The following CFAP299 variants were observed in gnomAD, a reference collection of about 807,000 sequenced individuals.
CFAP299 encodes cilia and flagella associated protein 299.
CFAP299 carries 21 observed loss-of-function variants against 27.0 expected under a neutral mutation model. The ratio of observed to expected loss-of-function variants is 0.78; its 90% CI spans 0.55 to 1.12. CFAP299 has a LOEUF of 1.12. Among genes scored for constraint, CFAP299 ranks in the 50% most tolerant of loss-of-function variants. The pLI is 0.00. For synonymous variants in CFAP299, 104 were observed against 98.1 expected (o/e 1.06, Z -0.36); for missense variants, 310 against 276.6 (o/e 1.12, Z -0.86).
At position 80,710,290 on chromosome 4, in the gene CFAP299, C is replaced by T. The variant is rs979969147; in HGVS notation, c.333+127107C>T. On this transcript the variant is annotated intron_variant, in intron 3 of 5. Coordinates refer to ENST00000358105, the MANE Select transcript of CFAP299 (RefSeq NM_152770.3). The stretch of plus-strand genomic sequence containing the variant: ...GTCCAAGGAAAGCAACATGCAGAAA[C>T]CAGAAAAGGAAATTAGATTTCTTCC... Among the ~76,000 whole-genome samples, 6 of 152,030 alleles carry T rather than the reference C, an allele frequency of 3.9e-5. No individual in the cohort carries two copies. In the South Asian group the frequency reaches 1.0e-3, roughly 26 times the overall value.
chr4:80,662,760 T>C (rs1740926469), intron 3 of CFAP299, among the ~76,000 whole-genome samples: 1 of 152,100 alleles, frequency 6.6e-6, no homozygotes, highest in Admixed American at 6.6e-5. Flanking sequence ...AAAGAATGGG[T>C]GTCCTGGAAT....
chr4:80,776,370 C>T (rs1326189101), intron 3 of CFAP299, among the ~76,000 whole-genome samples: 4 of 151,962 alleles, frequency 2.6e-5, no homozygotes, highest in South Asian at 2.1e-4. Context: ...CTTGGGGTCA[C>T]GAACTCCATA....
At chr4:80,582,974 T>G (rs1024230597) in intron 2 of CFAP299, 119 bp from the exon 3 acceptor site, 2 of 525,238 alleles carry the variant, frequency 3.8e-6, no homozygotes, top group Admixed American at 6.8e-5. Flanking sequence ...ATGATTTTAT[T>G]TATATGGTTT....
intron 1 of CFAP299, among the ~76,000 whole-genome samples, chr4:80,359,544 TCTGA>T (rs1323458535): frequency 3.9e-5 from 6 of 152,318 alleles, no homozygotes; most frequent in African/African-American, 9.6e-5. Flanking sequence ...TCTATTCTTG[TCTGA>T]CTGTCTTATT....
At chr4:80,598,887 G>A (rs1737189918) in intron 3 of CFAP299, among the ~76,000 whole-genome samples, 1 of 152,154 alleles carries the variant, frequency 6.6e-6, no homozygotes, top group Admixed American at 6.5e-5. Context: ...TTATATCGAG[G>A]TAGGGTCCTA....
Position 80,390,724 on chromosome 4 carries a change from C to CACATAT in CFAP299, c.242+27841_242+27842insCATATA, listed in dbSNP as rs1560543496. On this transcript the variant is annotated intron_variant, in intron 2 of 5. Transcript: ENST00000358105. ...ATATGTATATATGTATACACACATA[C>CACATAT]ATGTATATATGTATATATGTATATA... 4.2e-5 allele frequency among the ~76,000 whole-genome samples: 5 copies of CACATAT among 119,282 alleles called. No individual in the cohort carries two copies. In the South Asian group the frequency reaches 1.1e-3, roughly 26 times the overall value. The allele number at this position is 119,282 out of a possible 152,430, so 78.3% of individuals were successfully genotyped here.
chr4:80,721,260 A>T (rs1455620044), intron 3 of CFAP299, among the ~76,000 whole-genome samples: 1 of 152,212 alleles, frequency 6.6e-6, no homozygotes. Flanking sequence ...AAACACAAAG[A>T]AAGTTACATC....
chr4:80,417,130 T>G (rs918686510), intron 2 of CFAP299, among the ~76,000 whole-genome samples: 1 of 152,208 alleles, frequency 6.6e-6, no homozygotes, highest in Non-Finnish European at 1.5e-5. Flanking sequence ...GTTTCTCACC[T>G]TTTTAGACTG....
chr4:80,819,226 A>T (rs536146491), intron 3 of CFAP299, among the ~76,000 whole-genome samples: 1 of 152,084 alleles, frequency 6.6e-6, no homozygotes, highest in African/African-American at 2.4e-5. Flanking sequence ...ACAAATTTAG[A>T]GAGTAGAAAG....
chr4:80,862,088 AG>A (rs1434965812), intron 3 of CFAP299, among the ~76,000 whole-genome samples: 1 of 152,180 alleles, frequency 6.6e-6, no homozygotes, highest in African/African-American at 2.4e-5. Context: ...AAAGCCATTT[AG>A]TCAGGTGCAG....
intron 2 of CFAP299, among the ~76,000 whole-genome samples, chr4:80,401,532 T>A (rs1409786361): frequency 2.0e-5 from 3 of 152,168 alleles, no homozygotes; most frequent in Admixed American, 2.0e-4. Context: ...CCTGTGGGTA[T>A]ACAGAAGTCA....
chr4:80,714,956 T>G (rs1162365294), intron 3 of CFAP299, among the ~76,000 whole-genome samples: 1 of 152,084 alleles, frequency 6.6e-6, no homozygotes, highest in Non-Finnish European at 1.5e-5. Context: ...TTTCTTATAA[T>G]TGCATTTAAT....
At chr4:80,715,437 A>G (rs950776745) in intron 3 of CFAP299, among the ~76,000 whole-genome samples, 1 of 152,042 alleles carries the variant, frequency 6.6e-6, no homozygotes, top group Non-Finnish European at 1.5e-5. Flanking sequence ...ACTTTCCACA[A>G]AAAGGTTTGT....
Position 80,481,201 on chromosome 4 carries a change from G to C in CFAP299, c.243-101892G>C, listed in dbSNP as rs578036962. Among the ~76,000 whole-genome samples the C allele has an allele frequency of 5.3e-5, 8 of 152,088 alleles. No individual in the cohort carries two copies. In the East Asian group the frequency reaches 9.7e-4, roughly 18 times the overall value. On this transcript the variant is annotated intron_variant, in intron 2 of 5. Transcript: ENST00000358105. ...GCCAATAGTTCAGACAAGGGTACCA[G>C]TACTCTATTGACAATGAGAATGCTA...
At chr4:80,433,467 GT>G (rs1171891053) in intron 2 of CFAP299, among the ~76,000 whole-genome samples, 2 of 152,118 alleles carry the variant, frequency 1.3e-5, no homozygotes, top group Non-Finnish European at 2.9e-5. Context: ...AACACTTCGA[GT>G]TCTGCTTTTC....
intron 4 of CFAP299, chr4:80,873,220 T>A (rs1733201260): frequency 6.4e-6 from 1 of 157,378 alleles, no homozygotes; most frequent in South Asian, 2.0e-4. Context: ...AAAGCCAAAA[T>A]TTAAAATTAA....
At chr4:80,922,274 T>C (rs1736084264) in intron 4 of CFAP299, among the ~76,000 whole-genome samples, 1 of 152,118 alleles carries the variant, frequency 6.6e-6, no homozygotes, top group Non-Finnish European at 1.5e-5. Context: ...TATTATTTTG[T>C]ATGTATGTGG....
chr4:80,960,921 T>C (rs1000793647), intron 5 of CFAP299, among the ~76,000 whole-genome samples: 5 of 151,746 alleles, frequency 3.3e-5, no homozygotes, highest in Non-Finnish European at 7.4e-5. Flanking sequence ...TAAGCAAAAG[T>C]ATATAAACTG....
chr4:80,855,819 G>T (rs1260995343), intron 3 of CFAP299, among the ~76,000 whole-genome samples: 2 of 151,886 alleles, frequency 1.3e-5, no homozygotes, highest in African/African-American at 4.8e-5. Flanking sequence ...TTGGACATTT[G>T]GGTTGGTTCC....
Sources: allele counts gnomAD v4.1 joint callset (sites outside exome capture counted in the v4.1 genomes callset), GRCh38; gene constraint gnomAD v4.1.1; transcripts MANE v1.5; gene names NCBI Gene and HGNC (gene_info 2026-07-23, HGNC 2026-07-21).